The following SOX5 variants were observed in gnomAD, a reference collection of about 807,000 sequenced individuals.
SOX5 encodes SRY-box transcription factor 5, also known as transcription factor SOX-5.
In SOX5, 9 loss-of-function variants were observed where a neutral mutation model predicts 92.0. That is an observed-to-expected ratio of 0.10 (90% CI 0.06 to 0.17). The LOEUF is 0.17. SOX5 is among the 10% of genes least tolerant of loss of function. The probability of loss-of-function intolerance (pLI) is 1.00; values close to 1 mark genes in which losing one functional copy is unlikely to be tolerated. For missense variants in SOX5, 642 were observed against 944.5 expected, an observed-to-expected ratio of 0.68 and a Z score of 4.20; for synonymous variants, 344 against 336.3, an observed-to-expected ratio of 1.02 and a Z score of -0.25.
At chr12:23,873,733 T>C (rs555005376) in intron 2 of SOX5, among the ~76,000 whole-genome samples, 1 of 152,194 alleles carries the variant, frequency 6.6e-6, no homozygotes, top group Non-Finnish European at 1.5e-5. Flanking sequence ...GCAAAGGATA[T>C]GTAGGAGACT....
At chr12:24,502,635 C>T (rs532677370) in intron 1 of SOX5, among the ~76,000 whole-genome samples, 4 of 152,208 alleles carry the variant, frequency 2.6e-5, no homozygotes, top group South Asian at 2.1e-4. Flanking sequence ...CATCTACCAA[C>T]GGGTGCTAAA....
chr12:23,660,763 T>G (rs1444460852), intron 7 of SOX5, among the ~76,000 whole-genome samples: 2 of 152,170 alleles, frequency 1.3e-5, no homozygotes, highest in Non-Finnish European at 2.9e-5. Context: ...TTCCAAACTT[T>G]CTTTGATTAA....
At chr12:23,578,133 A>AAAAAAAAAAAAAAAAAAAAAAAC (rs1949495769) in intron 9 of SOX5, among the ~76,000 whole-genome samples, 1 of 145,560 alleles carries the variant, frequency 6.9e-6, no homozygotes, top group African/African-American at 2.5e-5. Flanking sequence ...AAAAAAAAAA[A>AAAAAAAAAAAAAAAAAAAAAAAC]AAAAAAAAAA....
intron 2 of SOX5, among the ~76,000 whole-genome samples, chr12:24,360,296 T>G (rs1481735592): frequency 1.3e-5 from 2 of 152,194 alleles, no homozygotes; most frequent in Non-Finnish European, 2.9e-5. Context: ...AGACCAAATT[T>G]CAAAATGTTA....
chr12:24,516,191 C>G (rs2955491), intron 1 of SOX5, among the ~76,000 whole-genome samples: 1 of 151,746 alleles, frequency 6.6e-6, no homozygotes, highest in Non-Finnish European at 1.5e-5. Flanking sequence ...TACAAGCATG[C>G]GCCACCATGC....
rs1408434267 is a variant in SOX5, at chr12:23,573,231, C to T, written c.1342+2430G>A. ...TTAAAACCTGTCTCTACTTAGCCTT[C>T]TCAAACTATTATCACTTCCCAACAC... On this transcript the variant is annotated intron_variant, in intron 10 of 14. Transcript: ENST00000451604. Among the ~76,000 whole-genome samples, 4 of 152,126 alleles carry T rather than the reference C, an allele frequency of 2.6e-5. No homozygotes were observed. In the East Asian group the frequency reaches 5.8e-4, roughly 22 times the overall value.
At chr12:24,213,913 A>G (rs1028286276) in intron 3 of SOX5, among the ~76,000 whole-genome samples, 1 of 151,958 alleles carries the variant, frequency 6.6e-6, no homozygotes, top group African/African-American at 2.4e-5. Flanking sequence ...TTACTGAGAC[A>G]ATTACAACCA....
chr12:24,354,860 T>C (rs1446962180), intron 2 of SOX5, among the ~76,000 whole-genome samples: 1 of 152,168 alleles, frequency 6.6e-6, no homozygotes, highest in Non-Finnish European at 1.5e-5. Context: ...GCGACTGGTA[T>C]CATGAAATAA....
intron 2 of SOX5, among the ~76,000 whole-genome samples, chr12:24,333,675 C>G (rs79935168): frequency 6.6e-6 from 1 of 151,876 alleles, no homozygotes; most frequent in African/African-American, 2.4e-5. Flanking sequence ...ATACAACAGG[C>G]TAGCAAAACA....
chr12:23,978,867 T>C (rs1335582202), intron 4 of SOX5, among the ~76,000 whole-genome samples: 3 of 152,224 alleles, frequency 2.0e-5, no homozygotes, highest in Non-Finnish European at 4.4e-5. Context: ...TCCAGACAAT[T>C]AAGTGTTTAG....
chr12:23,778,318 A>G (rs2095171003), intron 3 of SOX5, among the ~76,000 whole-genome samples: 1 of 152,252 alleles, frequency 6.6e-6, no homozygotes, highest in South Asian at 2.1e-4. Context: ...CACAAAGGAA[A>G]GACATGAATG....
chr12:24,180,231 TAAGCTA>T (rs1955330484), intron 4 of SOX5, among the ~76,000 whole-genome samples: 1 of 152,172 alleles, frequency 6.6e-6, no homozygotes, highest in South Asian at 2.1e-4. Flanking sequence ...CCCAAAGGAA[TAAGCTA>T]TCATGCCTGG....
At chr12:23,593,861 A>C (rs1287630201) in intron 9 of SOX5, among the ~76,000 whole-genome samples, 1 of 152,048 alleles carries the variant, frequency 6.6e-6, no homozygotes, top group African/African-American at 2.4e-5. Flanking sequence ...GAAGAGAAAA[A>C]AGGAGAGAGA....
At chr12:24,137,048 T>C (rs12371842) in intron 4 of SOX5, among the ~76,000 whole-genome samples, 33,681 of 152,180 alleles carry the variant, frequency 0.22, 4,087 homozygotes, top group African/African-American at 0.32. Context: ...TCTTAGAGAA[T>C]AGATCTTAAA....
upstream of SOX5, among the ~76,000 whole-genome samples, chr12:23,953,597 T>C (rs1945926587): frequency 1.3e-5 from 2 of 152,012 alleles, no homozygotes; most frequent in South Asian, 4.1e-4. Context: ...TAATTATATA[T>C]ATGTATATAA....
chr12:23,609,677 C>A (rs1362588773), intron 8 of SOX5, among the ~76,000 whole-genome samples: 1 of 147,242 alleles, frequency 6.8e-6, no homozygotes, highest in Non-Finnish European at 1.5e-5. Context: ...CTATATTTTT[C>A]TTTTATTTCT....
At chr12:24,371,081 C>A (rs1029935044) in intron 1 of SOX5, among the ~76,000 whole-genome samples, 3 of 152,096 alleles carry the variant, frequency 2.0e-5, no homozygotes, top group Non-Finnish European at 4.4e-5. Context: ...TCTACATGAC[C>A]CTTACCTAAT....
intron 10 of SOX5, among the ~76,000 whole-genome samples, chr12:23,566,374 A>G (rs971078751): frequency 6.6e-6 from 1 of 152,128 alleles, no homozygotes; most frequent in Admixed American, 6.5e-5. Flanking sequence ...TTCTGTTGCA[A>G]TTGGTCTCTA....
chr12:24,312,320 C>CT (rs1949262967), intron 2 of SOX5, among the ~76,000 whole-genome samples: 1 of 152,076 alleles, frequency 6.6e-6, no homozygotes, highest in Non-Finnish European at 1.5e-5. Flanking sequence ...GTTCAAAACT[C>CT]TTTTTTTGGC....
Sources: allele counts gnomAD v4.1 joint callset (sites outside exome capture counted in the v4.1 genomes callset), GRCh38; gene constraint gnomAD v4.1.1; transcripts MANE v1.5; gene names NCBI Gene and HGNC (gene_info 2026-07-23, HGNC 2026-07-21).